BMPR1B: variants seen among roughly 807,000 people sequenced by gnomAD.
BMPR1B encodes the protein bone morphogenetic protein receptor type 1B, also known as bone morphogenetic protein receptor type-1B.
In BMPR1B, 12 loss-of-function variants were observed where a neutral mutation model predicts 59.1. That is an observed-to-expected ratio of 0.20 (90% confidence interval 0.13 to 0.33). The LOEUF is 0.33. BMPR1B is among the 10% of genes least tolerant of loss of function. BMPR1B has a pLI of 1.00. For synonymous variants in BMPR1B, 237 were observed against 207.3 expected (o/e 1.14, Z -1.23); for missense variants, 550 against 610.9 (o/e 0.90, Z 1.05).
At chr4:94,947,901 A>G (rs1226546872) in intron 2 of BMPR1B, among the ~76,000 whole-genome samples, 1 of 152,172 alleles carries the variant, frequency 6.6e-6, no homozygotes, top group Non-Finnish European at 1.5e-5. Context: ...TCCATTACTC[A>G]TAGATTCAGA....
At chr4:94,887,403 C>CAAAAA (rs57818132) in intron 2 of BMPR1B, among the ~76,000 whole-genome samples, 45 of 54,780 alleles carry the variant, frequency 8.2e-4, no homozygotes, top group Admixed American at 1.2e-3. Context: ...CACCCCCCAC[C>CAAAAA]AAAAAAAAAA....
intron 2 of BMPR1B, among the ~76,000 whole-genome samples, chr4:94,957,976 A>G (rs948731558): frequency 6.6e-6 from 1 of 152,142 alleles, no homozygotes; most frequent in Admixed American, 6.6e-5. Context: ...ACTGACTACT[A>G]TATATATTCT....
chr4:95,069,033 A>G (rs1232303263), intron 3 of BMPR1B, among the ~76,000 whole-genome samples: 1 of 152,244 alleles, frequency 6.6e-6, no homozygotes, highest in Non-Finnish European at 1.5e-5. Context: ...TTTTACCAAT[A>G]GGAAATGACA....
chr4:94,825,692 G>C (rs1043116141), intron 1 of BMPR1B, among the ~76,000 whole-genome samples: 1 of 152,124 alleles, frequency 6.6e-6, no homozygotes, highest in African/African-American at 2.4e-5. Flanking sequence ...TAGTTCTGGG[G>C]AGTAAAACAG....
intron 1 of BMPR1B, among the ~76,000 whole-genome samples, chr4:94,846,685 A>G (rs1161830429): frequency 6.6e-6 from 1 of 151,378 alleles, no homozygotes; most frequent in Non-Finnish European, 1.5e-5. Context: ...TACTTAATGA[A>G]CTCCCCTTTA....
chr4:94,926,064 AATCCCTCCCGTC>A (rs1356657466), intron 2 of BMPR1B, among the ~76,000 whole-genome samples: 19 of 11,546 alleles, frequency 1.6e-3, no homozygotes, highest in African/African-American at 6.2e-3. Flanking sequence ...CCTCCCCCCC[AATCCCTCCCGTC>A]TCCCTCCCCT....
intron 2 of BMPR1B, among the ~76,000 whole-genome samples, chr4:94,978,078 A>T (rs1325487020): frequency 6.6e-6 from 1 of 152,148 alleles, no homozygotes; most frequent in African/African-American, 2.4e-5. Flanking sequence ...ATTGGCTTTC[A>T]CTAACAATCT....
intron 1 of BMPR1B, among the ~76,000 whole-genome samples, chr4:94,807,038 A>G (rs982175645): frequency 6.6e-6 from 1 of 152,192 alleles, no homozygotes; most frequent in African/African-American, 2.4e-5. Flanking sequence ...CATCTGTATT[A>G]AAATAATCAG....
chr4:95,025,356 G>A (rs554392043), intron 3 of BMPR1B, among the ~76,000 whole-genome samples: 122 of 152,206 alleles, frequency 8.0e-4, no homozygotes, highest in African/African-American at 2.4e-3. Context: ...CATCTCTTTA[G>A]TTGCTTAGTG....
At chr4:94,950,648 A>G (rs377300096) in intron 2 of BMPR1B, among the ~76,000 whole-genome samples, 1 of 152,078 alleles carries the variant, frequency 6.6e-6, no homozygotes, top group Non-Finnish European at 1.5e-5. Flanking sequence ...CCTTTGGTCT[A>G]TATATCTGTT....
intron 2 of BMPR1B, among the ~76,000 whole-genome samples, chr4:94,890,729 T>G (rs561230783): frequency 1.2e-4 from 18 of 152,016 alleles, no homozygotes; most frequent in Non-Finnish European, 2.1e-4. Context: ...ACAGCGTCCT[T>G]ACGTGGTGAA....
chr4:95,096,161 C>T (rs1179119168), intron 3 of BMPR1B, among the ~76,000 whole-genome samples: 1 of 151,194 alleles, frequency 6.6e-6, no homozygotes, highest in African/African-American at 2.4e-5. Context: ...AGTTATTTTA[C>T]AGTGTTTATA....
At chr4:95,124,848 T>G in intron 7 of BMPR1B, 135 bp from the exon 8 acceptor site, 1 of 818,466 alleles carries the variant, frequency 1.2e-6, no homozygotes, top group Non-Finnish European at 1.9e-6. Flanking sequence ...TAACTAAGAG[T>G]AAAAAATATG....
chr4:95,126,545 A>T (rs1017290998), intron 8 of BMPR1B, among the ~76,000 whole-genome samples: 1 of 152,210 alleles, frequency 6.6e-6, no homozygotes, highest in South Asian at 2.1e-4. Context: ...TGTATTACAC[A>T]TCAGGGGATA....
At chr4:95,026,097 C>CTTTTCTTTCTTTCCTT (rs1560602784) in intron 3 of BMPR1B, among the ~76,000 whole-genome samples, 1 of 23,878 alleles carries the variant, frequency 4.2e-5, no homozygotes, top group African/African-American at 1.1e-4. Flanking sequence ...TGCTTTCTTT[C>CTTTTCTTTCTTTCCTT]ATTTCTTTCT....
At chr4:94,886,243 G>A (rs1159663460) in intron 2 of BMPR1B, among the ~76,000 whole-genome samples, 1 of 152,104 alleles carries the variant, frequency 6.6e-6, no homozygotes, top group Admixed American at 6.6e-5. Flanking sequence ...AGATTAAAAA[G>A]ACTATTACAA....
At chr4:95,035,760 C>T (rs1332197631) in intron 3 of BMPR1B, among the ~76,000 whole-genome samples, 1 of 152,108 alleles carries the variant, frequency 6.6e-6, no homozygotes, top group Non-Finnish European at 1.5e-5. Context: ...TTTGTCTATA[C>T]AGACTCTTTT....
intron 6 of BMPR1B, among the ~76,000 whole-genome samples, chr4:95,123,459 C>G (rs1421778514): frequency 1.3e-5 from 2 of 152,060 alleles, no homozygotes; most frequent in Non-Finnish European, 2.9e-5. Flanking sequence ...CCTATGAACC[C>G]ATGAGCTGCG....
chr4:95,144,275 A>G (rs1343882185), intron 10 of BMPR1B, among the ~76,000 whole-genome samples: 2 of 152,116 alleles, frequency 1.3e-5, no homozygotes, highest in Non-Finnish European at 2.9e-5. Context: ...CCTGGGCTCA[A>G]GTGATCCTCC....
Sources: allele counts gnomAD v4.1 joint callset (sites outside exome capture counted in the v4.1 genomes callset), GRCh38; gene constraint gnomAD v4.1.1; transcripts MANE v1.5; gene names NCBI Gene and HGNC (gene_info 2026-07-23, HGNC 2026-07-21).